The following SLC13A5 variants were observed in gnomAD, a reference collection of about 807,000 sequenced individuals.
SLC13A5 encodes Na(+)/citrate cotransporter.
A neutral mutation model predicts 56.5 loss-of-function variants in SLC13A5; 25 were observed. The ratio of observed to expected loss-of-function variants is 0.44; its 90% CI spans 0.32 to 0.62. SLC13A5 has a LOEUF of 0.62. SLC13A5 is among the 20% of genes least tolerant of loss of function. The pLI is 0.04. For synonymous variants in SLC13A5, 307 were observed against 301.5 expected (o/e 1.02, Z -0.19); for missense variants, 649 against 737.8 (o/e 0.88, Z 1.39).
Position 6,692,922 on chromosome 17 carries a change from A to AC in SLC13A5, c.1275+121_1275+122insG. 1.3e-6 allele frequency: 1 copy of AC among 756,536 alleles called. No homozygotes were observed. Among genetic ancestry groups the AC allele is most frequent in the Non-Finnish European group, 2.4e-6 (1 of 421,264 alleles). The allele number at this position is 756,536 out of a possible 1,614,324, so 46.9% of individuals were successfully genotyped here. On this transcript the variant is annotated intron_variant, in intron 9 of 11. Coordinates refer to ENST00000433363, the MANE Select transcript of SLC13A5 (RefSeq NM_177550.5). The surrounding 1 kb of genome is among the most constrained non-coding windows in gnomAD (Gnocchi z 5.5). The stretch of plus-strand genomic sequence containing the variant: ...AAGACAGAGTCCATGTCCTCAAGGA[A>AC]TGTGCGGTTATACGAAGGATGCAGG...
Position 6,701,013 on chromosome 17 carries a change from A to T in SLC13A5, c.830T>A (p.Met277Lys). The T allele has an allele frequency of 1.9e-6, 3 of 1,614,150 alleles. No individual in the cohort carries two copies. Among genetic ancestry groups the T allele is most frequent in the Non-Finnish European group, 2.5e-6 (3 of 1,180,004 alleles). ...AGCAGCTCAAACTTACTTGAATCTC[A>T]TGTAAACAAACTGGAGCCACAGCCA... Reference protein sequence around the residue: ...FAWLWLQFVYMRFNFKKSWGC... With the variant: ...FAWLWLQFVYKRFNFKKSWGC... Residue 277 changes from methionine to lysine, a missense_variant, in exon 6 of 12, where the codon ATG becomes AAG. Met to Lys is a moderately conservative substitution (Grantham distance 95, BLOSUM62 -1). Coordinates refer to ENST00000433363, the MANE Select transcript of SLC13A5 (RefSeq NM_177550.5). The surrounding 1 kb of genome is among the most constrained non-coding windows in gnomAD (Gnocchi z 4.1).
chr17:6,691,813 C>A (rs1324496279), intron 9 of SLC13A5, among the ~76,000 whole-genome samples: 1 of 152,158 alleles, frequency 6.6e-6, no homozygotes, highest in Non-Finnish European at 1.5e-5. Context: ...GACCAACTCA[C>A]CCCCTGGCCT....
At chr17:6,690,981 C>T (rs773592888) in intron 9 of SLC13A5, 41 bp from the exon 10 acceptor site, 3 of 1,564,288 alleles carry the variant, frequency 1.9e-6, no homozygotes, top group Admixed American at 1.8e-5. Flanking sequence ...GCGCTCCCAG[C>T]TTGCAGTTCC....
intron 4 of SLC13A5, 119 bp downstream of exon 4, chr17:6,703,759 C>T (rs971004237): frequency 2.0e-5 from 21 of 1,030,544 alleles, no homozygotes; most frequent in African/African-American, 1.6e-4. Context: ...TTTCTCTATG[C>T]GTGTTTAAAG....
At chr17:6,698,516 G>A (rs1438327933) in intron 6 of SLC13A5, among the ~76,000 whole-genome samples, 1 of 152,222 alleles carries the variant, frequency 6.6e-6, no homozygotes, top group Non-Finnish European at 1.5e-5. Context: ...ACCTGGTCAT[G>A]CTTAGGTCTG....
intron 9 of SLC13A5, 139 bp from the exon 10 acceptor site, chr17:6,691,079 T>A: frequency 2.2e-6 from 2 of 923,820 alleles, no homozygotes; most frequent in Admixed American, 3.0e-5. Context: ...TCCCACCATT[T>A]TCATCCCCGT....
rs535783277 is a variant in SLC13A5, at chr17:6,687,547, G to A, written c.1557C>T (p.His519=). Residue 519 remains histidine (H), a synonymous_variant, in exon 11 of 12, where the codon CAC becomes CAT. Coordinates refer to ENST00000433363, the MANE Select transcript of SLC13A5 (RefSeq NM_177550.5). The surrounding 1 kb of genome is among the most constrained non-coding windows in gnomAD (Gnocchi z 5.0). The part of the protein sequence containing the change: ...PPNAIVFTYG[H]LKVADMVKTG... ...GTGTTACCATGTCAGCAACCTTGAG[G>A]TGCCCATAGGTGAACACGATGGCAT... 1 of 1,613,200 alleles carries A rather than the reference G, an allele frequency of 6.2e-7. No homozygotes were observed. The highest frequency in any genetic ancestry group is 1.1e-5 in the South Asian group (1 of 90,790).
Position 6,695,880 on chromosome 17 carries a change from C to T in SLC13A5, c.901G>A (p.Val301Met), listed in dbSNP as rs1973547380. ...SKKNEKAALK[V>M]LQEEYRKLGP... ...AGCTTCCGGTACTCCTCCTGCAGCACCTTGAGGGCAGCCTTCTCGTTTTTC... is the reference window on the plus strand; with the variant it reads ...AGCTTCCGGTACTCCTCCTGCAGCATCTTGAGGGCAGCCTTCTCGTTTTTC... The change falls in exon 7 of 12, where the codon GTG becomes ATG. Residue 301 changes from valine to methionine, a missense_variant. Coordinates refer to ENST00000433363, the MANE Select transcript of SLC13A5 (RefSeq NM_177550.5). The T allele has an allele frequency of 1.9e-6, 3 of 1,614,004 alleles. No homozygotes were observed. The highest frequency in any genetic ancestry group is 2.7e-5 in the African/African-American group (2 of 74,914).
chr17:6,708,989 A>ATTTTTTT (rs1973944944), intron 1 of SLC13A5, among the ~76,000 whole-genome samples: 1 of 106,160 alleles, frequency 9.4e-6, no homozygotes, highest in Non-Finnish European at 2.1e-5. Flanking sequence ...TCGCTCTTTT[A>ATTTTTTT]TTTCTTTTTT....
In SLC13A5 at chr17:6,704,070, G is replaced by A. The variant is rs218677; in HGVS notation, c.369-14C>T. Reference sequence around the variant, plus strand: ...CCCAGCATCAGCCTGCAGAGGAGGGGCAGGGAGGAAAGCCAGAGAATCCCC... The same window carrying A: ...CCCAGCATCAGCCTGCAGAGGAGGGACAGGGAGGAAAGCCAGAGAATCCCC... On this transcript the variant is annotated splice_polypyrimidine_tract_variant and intron_variant, in intron 3 of 11. Coordinates refer to ENST00000433363, the MANE Select transcript of SLC13A5 (RefSeq NM_177550.5). 56,740 of 1,605,404 alleles carry A rather than the reference G, an allele frequency of 0.035. 1,180 individuals carry two copies. Among genetic ancestry groups the A allele is most frequent in the Non-Finnish European group, 0.041 (48,006 of 1,176,552 alleles).
chr17:6,690,375 G>C (rs934748007), intron 10 of SLC13A5, among the ~76,000 whole-genome samples: 3 of 152,086 alleles, frequency 2.0e-5, no homozygotes, highest in Non-Finnish European at 4.4e-5. Context: ...ACTCCTCCAA[G>C]GCCTCTTCCT....
intron 2 of SLC13A5, 125 bp from the exon 3 acceptor site, chr17:6,706,903 G>A (rs1247618752): frequency 6.4e-7 from 1 of 1,556,224 alleles, no homozygotes; most frequent in South Asian, 1.2e-5. Flanking sequence ...GTGTCTCCCT[G>A]CCAGGGAGAA....
intron 4 of SLC13A5, among the ~76,000 whole-genome samples, 195 bp from the exon 5 acceptor site, chr17:6,703,333 G>T (rs1194878864): frequency 6.6e-6 from 1 of 152,232 alleles, no homozygotes; most frequent in Non-Finnish European, 1.5e-5. Context: ...CTTGCCCAGG[G>T]TCTGGCAATC....
chr17:6,694,311 C>T (rs905637899), intron 7 of SLC13A5, 114 bp from the exon 8 acceptor site: 4 of 632,890 alleles, frequency 6.3e-6, no homozygotes, highest in African/African-American at 3.7e-5. Flanking sequence ...AGGCTCACAG[C>T]CTTAAAAGTC....
At chr17:6,707,716 G>C (rs186983327) in intron 1 of SLC13A5, among the ~76,000 whole-genome samples, 49 of 152,252 alleles carry the variant, frequency 3.2e-4, no homozygotes, top group Middle Eastern at 3.4e-3. Flanking sequence ...AAGCCAAATA[G>C]TGCATGTTCT....
In SLC13A5 at chr17:6,692,800, G is replaced by A. The variant is rs1597659301; in HGVS notation, c.1275+244C>T. 3.8e-6 allele frequency: 2 copies of A among 532,780 alleles called. No homozygotes were observed. The highest frequency in any genetic ancestry group is 6.7e-5 in the East Asian group (2 of 30,050). 33.0% of individuals were successfully genotyped at this position (532,780 alleles called of 1,614,324 possible). On this transcript the variant is annotated intron_variant, in intron 9 of 11. Coordinates refer to ENST00000433363, the MANE Select transcript of SLC13A5 (RefSeq NM_177550.5). This position sits in a 1 kb window ranked among gnomAD's most constrained non-coding sequence, Gnocchi z 5.5. ...ACTGACAGTGTCCTCTGCCTCTCTT[G>A]GCTAACCACGGTCACTCATTCACTC... is the stretch of plus-strand genomic sequence containing the variant.
rs573564582 is a variant in SLC13A5, at chr17:6,702,351, C to G, written c.716+619G>C. Among the ~76,000 whole-genome samples, 36 of 152,330 alleles carry G rather than the reference C, an allele frequency of 2.4e-4. 1 individual carries two copies. In the South Asian group the frequency reaches 6.8e-3, roughly 29 times the overall value. On this transcript the variant is annotated intron_variant, in intron 5 of 11. Coordinates refer to ENST00000433363, the MANE Select transcript of SLC13A5 (RefSeq NM_177550.5). ...CCCAGGTTTCTCTCCCTCTTGGGGT[C>G]CTCATGGCCTGCATCCCTTTGTGGC...
chr17:6,704,642 C>T (rs556526749), intron 3 of SLC13A5: 2 of 229,484 alleles, frequency 8.7e-6, no homozygotes, highest in East Asian at 1.0e-4. Context: ...CCCGCACATA[C>T]ACTTTGACCC....
chr17:6,708,701 G>T (rs1183984215), intron 1 of SLC13A5, among the ~76,000 whole-genome samples: 1 of 152,208 alleles, frequency 6.6e-6, no homozygotes, highest in Non-Finnish European at 1.5e-5. Flanking sequence ...GCAGGTCAGG[G>T]TCTTGGGTGA....
Sources: gnomAD v4.1 joint callset for allele counts (sites outside exome capture counted in the v4.1 genomes callset) on GRCh38, gnomAD v4.1.1 for gene constraint, Gnocchi (gnomAD v3.1) non-coding constraint, MANE v1.5 for transcripts, NCBI Gene and HGNC (gene_info 2026-07-23, HGNC 2026-07-21) for gene names.